PHF20: variants seen among roughly 807,000 people sequenced by gnomAD.
PHF20 encodes the protein PHD finger protein 20.
A neutral mutation model predicts 113.5 loss-of-function variants in PHF20; 23 were observed. That is an observed-to-expected ratio of 0.20 (90% CI 0.15 to 0.29). PHF20 has a LOEUF of 0.29. Ranked by LOEUF, PHF20 falls within the 10% of genes least tolerant of loss-of-function variation. PHF20 has a pLI of 1.00. For synonymous variants in PHF20, 434 were observed against 457.3 expected (o/e 0.95, Z 0.65); for missense variants, 943 against 1,219.6 (o/e 0.77, Z 3.38).
intron 2 of PHF20, among the ~76,000 whole-genome samples, chr20:35,828,678 T>C (rs952944141): frequency 3.3e-5 from 5 of 152,196 alleles, no homozygotes; most frequent in Non-Finnish European, 5.9e-5. Flanking sequence ...CATGGAGTCA[T>C]GCCAGCAGTG....
At chr20:35,891,803 G>A (rs894809696) in intron 9 of PHF20, among the ~76,000 whole-genome samples, 1 of 151,962 alleles carries the variant, frequency 6.6e-6, no homozygotes, top group Admixed American at 6.6e-5. Context: ...CACGAGAAAG[G>A]GACGATTGCT....
intron 16 of PHF20, among the ~76,000 whole-genome samples, 184 bp downstream of exon 16, chr20:35,939,292 C>T (rs2055932168): frequency 6.6e-6 from 1 of 152,098 alleles, no homozygotes; most frequent in Non-Finnish European, 1.5e-5. Context: ...AGCCAAAGAT[C>T]CTTGGTTCCA....
rs529750556 is a variant in PHF20 at position 35,812,667 on chromosome 20, G to A, written c.83+11062G>A. On this transcript the variant is annotated intron_variant, in intron 2 of 17. Coordinates refer to ENST00000374012, the MANE Select transcript of PHF20 (RefSeq NM_016436.5). The stretch of plus-strand genomic sequence containing the variant: ...CGTGTGTTTCATATTGCATCACATC[G>A]GGGGACACATAAAGCTAGGTCGTCC... 3.0e-3 allele frequency among the ~76,000 whole-genome samples: 453 copies of A among 152,136 alleles called. 2 individuals carry two copies. Among genetic ancestry groups the A allele is most frequent in the South Asian group, 8.9e-3 (43 of 4,824 alleles).
intron 1 of PHF20, among the ~76,000 whole-genome samples, chr20:35,793,717 G>A (rs534512020): frequency 3.3e-5 from 5 of 151,288 alleles, no homozygotes; most frequent in African/African-American, 7.3e-5. Flanking sequence ...TTATATGCTC[G>A]CATGGCGCAG....
intron 2 of PHF20, among the ~76,000 whole-genome samples, chr20:35,829,017 C>T (rs1202675896): frequency 6.6e-6 from 1 of 152,106 alleles, no homozygotes; most frequent in Admixed American, 6.6e-5. Flanking sequence ...CCCAGGATCT[C>T]ATAAAGGCTG....
At chr20:35,926,871 T>C (rs574875702) in intron 13 of PHF20, among the ~76,000 whole-genome samples, 54 of 152,304 alleles carry the variant, frequency 3.5e-4, no homozygotes, top group African/African-American at 1.3e-3. Context: ...GTCCACCTTC[T>C]AGGGCTAATT....
chr20:35,927,425 A>G (rs1277633437), intron 13 of PHF20, among the ~76,000 whole-genome samples: 2 of 152,224 alleles, frequency 1.3e-5, no homozygotes, highest in African/African-American at 4.8e-5. Flanking sequence ...CCCATTTTGC[A>G]GATGGGGAAA....
At chr20:35,836,524 C>G (rs193101187) in intron 2 of PHF20, among the ~76,000 whole-genome samples, 2 of 152,040 alleles carry the variant, frequency 1.3e-5, no homozygotes, top group African/African-American at 4.8e-5. Flanking sequence ...ATGAAGCTAT[C>G]GGTTGATATC....
At chr20:35,849,339 T>C (rs1472854868) in intron 4 of PHF20, 1 of 428,326 alleles carries the variant, frequency 2.3e-6, no homozygotes, top group Non-Finnish European at 4.7e-6. Context: ...CTTAGTAATC[T>C]ACTGTTTAGA....
chr20:35,939,062 A>G lies in PHF20; in HGVS notation c.2666A>G (p.Gln889Arg). 1 of 1,614,048 alleles carries G rather than the reference A, an allele frequency of 6.2e-7. No homozygotes were observed. Among genetic ancestry groups the G allele is most frequent in the Non-Finnish European group, 8.5e-7 (1 of 1,179,942 alleles). ...CCGCGCCTGGGCTGGCCTCTAGACC[A>G]AGACAGGAGCAAGGGGGACAGTGAC... ...LSPRLGWPLD[Q>R]DRSKGDSDPK... Residue 889 changes from glutamine (Q) to arginine (R), a missense_variant, in exon 16 of 18, where the codon CAA becomes CGA. By Grantham distance (43) the Gln-to-Arg change is conservative. This residue lies in a region of PHF20 where 349 missense variants were observed against 412.3 expected (regional missense o/e 0.85). Coordinates refer to ENST00000374012, the MANE Select transcript of PHF20 (RefSeq NM_016436.5).
intron 15 of PHF20, among the ~76,000 whole-genome samples, chr20:35,932,326 C>T (rs1393675958): frequency 6.6e-6 from 1 of 151,294 alleles, no homozygotes; most frequent in Admixed American, 6.6e-5. Flanking sequence ...ACCTCGGGCT[C>T]CCAAAGTGCT....
rs56146927 is a variant in PHF20, at chr20:35,780,326, C to T, written c.-33+8247C>T. Among the ~76,000 whole-genome samples the T allele has an allele frequency of 9.9e-3, 1,402 of 141,084 alleles. 16 individuals carry two copies. The highest frequency in any genetic ancestry group is 0.044 in the East Asian group (195 of 4,418). 92.6% of individuals were successfully genotyped at this position (141,084 alleles called of 152,430 possible). On this transcript the variant is annotated intron_variant, in intron 1 of 17. Coordinates refer to ENST00000374012, the MANE Select transcript of PHF20 (RefSeq NM_016436.5). ...CTGCAAGCTCCGCCTCCCGGGTTTA[C>T]GCCATTCTCCTGCCTCAGCCTCCTG...
intron 10 of PHF20, among the ~76,000 whole-genome samples, chr20:35,900,592 G>A (rs939129452): frequency 6.6e-6 from 1 of 152,182 alleles, no homozygotes; most frequent in Non-Finnish European, 1.5e-5. Flanking sequence ...CCAGTGCTTT[G>A]GGAGGCCAAG....
intron 1 of PHF20, among the ~76,000 whole-genome samples, chr20:35,784,513 T>C (rs2041370216): frequency 6.9e-6 from 1 of 145,572 alleles, no homozygotes; most frequent in Admixed American, 7.5e-5. Context: ...CTCTGCTTAC[T>C]GCAACCTCTG....
chr20:35,802,272 G>T (rs1469596280), intron 2 of PHF20, among the ~76,000 whole-genome samples: 3 of 152,120 alleles, frequency 2.0e-5, no homozygotes, highest in Non-Finnish European at 4.4e-5. Flanking sequence ...GTGGTTGAGG[G>T]CATCCTAGAA....
At chr20:35,846,960 G>A (rs2042635836) in intron 3 of PHF20, among the ~76,000 whole-genome samples, 1 of 152,132 alleles carries the variant, frequency 6.6e-6, no homozygotes, top group Admixed American at 6.6e-5. Flanking sequence ...AGACAAGTGT[G>A]AAGAGAGGGA....
At chr20:35,805,309 C>T (rs1041163581) in intron 2 of PHF20, among the ~76,000 whole-genome samples, 2 of 151,372 alleles carry the variant, frequency 1.3e-5, no homozygotes, top group African/African-American at 4.9e-5. Context: ...AAGCAGTCCT[C>T]CTGCTTCAGC....
At chr20:35,849,922 T>C (rs907015973) in intron 4 of PHF20, among the ~76,000 whole-genome samples, 26 of 152,310 alleles carry the variant, frequency 1.7e-4, no homozygotes, top group African/African-American at 5.5e-4. Flanking sequence ...AGCTGAGTGT[T>C]GAGCAGGCTG....
At chr20:35,875,784 A>G (rs1473263900) in intron 9 of PHF20, among the ~76,000 whole-genome samples, 1 of 152,178 alleles carries the variant, frequency 6.6e-6, no homozygotes, top group African/African-American at 2.4e-5. Flanking sequence ...TGAAATTTGT[A>G]GTTAATTGTT....
Sources: allele counts gnomAD v4.1 joint callset (sites outside exome capture counted in the v4.1 genomes callset), GRCh38; gene constraint gnomAD v4.1.1; regional missense constraint gnomAD v4.1.1; transcripts MANE v1.5; gene names NCBI Gene and HGNC (gene_info 2026-07-23, HGNC 2026-07-21).